Variants in PGK1 observed in about 807,000 individuals in gnomAD.
PGK1 encodes the protein phosphoglycerate kinase 1.
In PGK1, 3 loss-of-function variants were observed where a neutral mutation model predicts 26.9. The ratio of observed to expected loss-of-function variants is 0.11; its 90% CI spans 0.05 to 0.29. The LOEUF (loss-of-function observed/expected upper bound fraction) is 0.29, where lower values mean the gene tolerates loss of function less well. Ranked by LOEUF, PGK1 falls within the 10% of genes least tolerant of loss-of-function variation. The pLI, the probability that PGK1 is intolerant of heterozygous loss-of-function variation, is 1.00. For synonymous variants in PGK1, 125 were observed against 115.3 expected, an observed-to-expected ratio of 1.08 and a Z score of -0.54; for missense variants, 270 against 314.7, an observed-to-expected ratio of 0.86 and a Z score of 1.07.
chrX:78,108,207 G>A (rs1557246462), intron 1 of PGK1, among the ~76,000 whole-genome samples: 1 of 112,019 alleles, frequency 8.9e-6, no homozygotes, highest in African/African-American at 3.2e-5. Flanking sequence ...AGGTGTCTCT[G>A]TCCAAAGATA....
chrX:78,128,866 C>T lies in PGK1; in HGVS notation c.*3036C>T, dbSNP rs1320174562. 3.6e-5 allele frequency: 4 copies of T among 111,455 alleles called. No homozygotes were observed. Among genetic ancestry groups the T allele is most frequent in the African/African-American group, 9.8e-5 (3 of 30,581 alleles). The allele number at this position is 111,455 out of a possible 1,213,427, so 9.2% of individuals were successfully genotyped here. A position where few individuals can be genotyped will look rare whatever the true frequency, so the allele number is the denominator to read the frequency against. ...ACCAGTTTCCCTCCCCAGAAGCAACCTCTGGAAGACCAGTTTCTTTCAATC... is the reference window on the plus strand; with the variant it reads ...ACCAGTTTCCCTCCCCAGAAGCAACTTCTGGAAGACCAGTTTCTTTCAATC... On this transcript the variant is annotated 3_prime_UTR_variant, in exon 11 of 11. Transcript: ENST00000373316.
chrX:78,108,159 T>A (rs1557246447), intron 1 of PGK1, among the ~76,000 whole-genome samples: 1 of 111,465 alleles, frequency 9.0e-6, no homozygotes. Flanking sequence ...ATTAGTAAGC[T>A]GACACCATGG....
In PGK1 at chrX:78,118,094, T is replaced by G. The variant is rs369648803; in HGVS notation, c.565T>G (p.Leu189Val). ...TCTGCCACAGAAGGCTGGTGGGTTT[T>G]TGATGAAGAAGGAGCTGAACTACTT... ...VNLPQKAGGF[L>V]MKKELNYFAK... The change falls in exon 6 of 11, where the codon TTG (leucine) becomes GTG (valine). Residue 189 changes from leucine to valine, a missense_variant. Transcript: ENST00000373316. 1.7e-6 allele frequency: 2 copies of G among 1,205,418 alleles called. No homozygotes were observed. Among genetic ancestry groups the G allele is most frequent in the African/African-American group, 3.5e-5 (2 of 56,989 alleles).
At position 78,126,172 on chromosome X, in the gene PGK1, T is replaced by C. The variant is rs946548349; in HGVS notation, c.*342T>C. Reference sequence around the variant, plus strand: ...TATTATGATTAGCTTTGTCACTGTTTCACTACTCAGCATGGAAACAAGATG... The same window carrying C: ...TATTATGATTAGCTTTGTCACTGTTCCACTACTCAGCATGGAAACAAGATG... On this transcript the variant is annotated 3_prime_UTR_variant, in exon 11 of 11. Transcript: ENST00000373316. The C allele has an allele frequency of 3.0e-5, 7 of 231,671 alleles. No homozygotes were observed. Among genetic ancestry groups the C allele is most frequent in the African/African-American group, 1.6e-4 (6 of 36,434 alleles). 19.1% of individuals were successfully genotyped at this position (231,671 alleles called of 1,213,427 possible).
chrX:78,117,595 A>G (rs1557247583), intron 5 of PGK1, among the ~76,000 whole-genome samples, 180 bp downstream of exon 5: 1 of 112,810 alleles, frequency 8.9e-6, no homozygotes, highest in Non-Finnish European at 1.9e-5. Context: ...AAATAAAGGT[A>G]AAAAAATGTT....
chrX:78,110,563 A>G (rs919962716), intron 2 of PGK1, among the ~76,000 whole-genome samples: 25 of 109,871 alleles, frequency 2.3e-4, no homozygotes, highest in Admixed American at 4.8e-4. Context: ...GCTTGAGGCC[A>G]GTAGTTCGAG....
chrX:78,125,518 T>G, intron 10 of PGK1, 93 bp downstream of exon 10: 1 of 618,029 alleles, frequency 1.6e-6, no homozygotes, highest in Non-Finnish European at 2.7e-6. Context: ...TAGAAGGTAG[T>G]GTTGTCATTA....
chrX:78,106,270 G>C, intron 1 of PGK1: 1 of 266,165 alleles, frequency 3.8e-6, no homozygotes, highest in Non-Finnish European at 5.2e-6. Flanking sequence ...GCAGAGCTAG[G>C]AGTAGAATTT....
At chrX:78,125,109 G>A (rs2078376046) in intron 9 of PGK1, 58 bp downstream of exon 9, 2 of 1,035,359 alleles carry the variant, frequency 1.9e-6, no homozygotes, top group Middle Eastern at 2.6e-4. Flanking sequence ...CTGATCAGAG[G>A]AAGGTGGAAT....
chrX:78,115,023 A>G (rs4826044), intron 4 of PGK1, among the ~76,000 whole-genome samples: 30,192 of 110,516 alleles, frequency 0.27, 3,174 homozygotes, highest in East Asian at 0.38. Context: ...CACATTTATT[A>G]AGGTCATTGG....
intron 10 of PGK1, 139 bp downstream of exon 10, chrX:78,125,564 C>A (rs1343503186): frequency 9.3e-6 from 5 of 540,382 alleles, no homozygotes; most frequent in Non-Finnish European, 1.6e-5. Flanking sequence ...AGAGGAACTT[C>A]AGATAAAGCT....
At chrX:78,119,791 T>C (rs1441363255) in intron 6 of PGK1, among the ~76,000 whole-genome samples, 1 of 112,034 alleles carries the variant, frequency 8.9e-6, no homozygotes, top group Non-Finnish European at 1.9e-5. Flanking sequence ...TCTCCAGCCA[T>C]GCGGAACTGT....
At chrX:78,109,632 A>T (rs1557246653) in intron 1 of PGK1, among the ~76,000 whole-genome samples, 1 of 111,225 alleles carries the variant, frequency 9.0e-6, no homozygotes. Flanking sequence ...TTGTATGGTC[A>T]CTGAGGTTAA....
rs782479790 is a variant in PGK1, at chrX:78,124,824, T to G, written c.937-50T>G. ...TTCTGGTCTTGGTGGAGGTGGTGTTTAAGTAGCTTTTCTTGATAGCTCATC... is the reference window on the plus strand; with the variant it reads ...TTCTGGTCTTGGTGGAGGTGGTGTTGAAGTAGCTTTTCTTGATAGCTCATC... On this transcript the variant is annotated intron_variant, in intron 8 of 10. Transcript: ENST00000373316. 12 of 1,093,324 alleles carry G rather than the reference T, an allele frequency of 1.1e-5. No homozygotes were observed. The South Asian group carries it at 2.0e-4, about 18-fold the overall frequency. The allele number at this position is 1,093,324 out of a possible 1,213,427, so 90.1% of individuals were successfully genotyped here.
chrX:78,113,907 C>T lies in PGK1; in HGVS notation c.272+8C>T. Reference sequence around the variant, plus strand: ...CAAATCTCTGCTGGGCAAGTAAGTGCCAGGCTCTGGTGCTGGTAGACTTTG... The same window carrying T: ...CAAATCTCTGCTGGGCAAGTAAGTGTCAGGCTCTGGTGCTGGTAGACTTTG... On this transcript the variant is annotated splice_region_variant and intron_variant, in intron 3 of 10. Coordinates refer to ENST00000373316, the MANE Select transcript of PGK1 (RefSeq NM_000291.4). 9 of 1,210,774 alleles carry T rather than the reference C, an allele frequency of 7.4e-6. No individual in the cohort carries two copies. Among genetic ancestry groups the T allele is most frequent in the Non-Finnish European group, 8.9e-6 (8 of 894,469 alleles).
chrX:78,104,267 T>G lies in PGK1; in HGVS notation c.-74T>G, dbSNP rs1272799464. On this transcript the variant is annotated 5_prime_UTR_variant, in exon 1 of 11. Coordinates refer to ENST00000373316, the MANE Select transcript of PGK1 (RefSeq NM_000291.4). ...CGCGGTGTTCCGCATTCTGCAAGCCTCCGGAGCGCACGTCGGCAGTCGGCT... is the reference window on the plus strand; with the variant it reads ...CGCGGTGTTCCGCATTCTGCAAGCCGCCGGAGCGCACGTCGGCAGTCGGCT... 1.8e-5 allele frequency: 14 copies of G among 788,055 alleles called. No homozygotes were observed. Among genetic ancestry groups the G allele is most frequent in the South Asian group, 1.7e-4 (8 of 47,272 alleles). The allele number at this position is 788,055 out of a possible 1,213,427, so 64.9% of individuals were successfully genotyped here. A position where few individuals can be genotyped will look rare whatever the true frequency, so the allele number is the denominator to read the frequency against.
chrX:78,112,482 T>G (rs1453328191), intron 2 of PGK1, among the ~76,000 whole-genome samples: 2 of 112,195 alleles, frequency 1.8e-5, no homozygotes, highest in African/African-American at 6.5e-5. Context: ...ATTTTTTGAT[T>G]AATTTATAAT....
chrX:78,118,778 A>G (rs2078339007), intron 6 of PGK1, among the ~76,000 whole-genome samples: 1 of 110,594 alleles, frequency 9.0e-6, no homozygotes, highest in Non-Finnish European at 1.9e-5. Flanking sequence ...GGAGAGAGCT[A>G]TCTGATGGGA....
At chrX:78,116,621 C>G (rs2078327883) in intron 4 of PGK1, among the ~76,000 whole-genome samples, 1 of 112,544 alleles carries the variant, frequency 8.9e-6, no homozygotes, top group East Asian at 2.8e-4. Flanking sequence ...GCTTATCCTC[C>G]CATCTTGCTT....
Sources: allele counts gnomAD v4.1 joint callset (sites outside exome capture counted in the v4.1 genomes callset), GRCh38; gene constraint gnomAD v4.1.1; transcripts MANE v1.5; gene names NCBI Gene and HGNC (gene_info 2026-07-23, HGNC 2026-07-21).